The following DNAH6 variants were observed in gnomAD, a reference collection of about 807,000 sequenced individuals.
DNAH6 encodes axonemal beta dynein heavy chain 6.
Under a neutral mutation model 491.4 loss-of-function variants are expected in DNAH6, and 340 were observed. The ratio of observed to expected loss-of-function variants is 0.69; its 90% confidence interval spans 0.63 to 0.76. The LOEUF is 0.76. Among genes scored for constraint, DNAH6 ranks in the 30% least tolerant of loss-of-function variants. DNAH6 has a pLI of 0.00. For missense variants in DNAH6, 4,443 were observed against 4,972.2 expected (o/e 0.89, Z 3.20); for synonymous variants, 1,603 against 1,686.1 (o/e 0.95, Z 1.21).
the DNAH6 span, among the ~76,000 whole-genome samples, chr2:84,511,288 C>A: frequency 3.3e-5 from 5 of 152,208 alleles, no homozygotes; most frequent in African/African-American, 9.7e-5. Flanking sequence ...GCCCCTCCCC[C>A]AGCCTCACTG....
rs78868251 is a variant in DNAH6, at chr2:84,756,621, C to A, written c.10513-6134C>A. On this transcript the variant is annotated intron_variant, in intron 63 of 76. Transcript: ENST00000389394. ...CACTAGTGAAGGATGAGCAGGGAAT[C>A]CTTATTCCCAAATATTTAAACTTAT... Among the ~76,000 whole-genome samples, 1,014 of 152,248 alleles carry A rather than the reference C, an allele frequency of 6.7e-3. 8 individuals carry two copies. Among genetic ancestry groups the A allele is most frequent in the East Asian group, 0.027 (139 of 5,186 alleles).
At chr2:84,763,063 T>G in intron 64 of DNAH6, 118 bp downstream of exon 64, 2 of 729,866 alleles carry the variant, frequency 2.7e-6, no homozygotes, top group Middle Eastern at 2.5e-4. Flanking sequence ...TATCACTTAC[T>G]ACATAAATTT....
At chr2:84,669,204 C>CT in intron 37 of DNAH6, 85 bp from the exon 38 acceptor site, 2 of 1,099,494 alleles carry the variant, frequency 1.8e-6, no homozygotes, top group Non-Finnish European at 2.7e-6. Context: ...TTTTGACTGC[C>CT]TTTTTTTCTA....
At chr2:84,528,819 T>C (rs930327520) in intron 3 of DNAH6, 85 bp from the exon 4 acceptor site, 6 of 1,299,320 alleles carry the variant, frequency 4.6e-6, no homozygotes, top group Non-Finnish European at 6.2e-6. Context: ...ATATGGCAAT[T>C]AGTCCTTGAA....
chr2:84,709,511 A>C lies in DNAH6; in HGVS notation c.9217A>C (p.Arg3073=). The part of the protein sequence containing the change: ...TENGILVTQG[R]RWPLMIDPQD... The stretch of plus-strand genomic sequence containing the variant: ...AAATGGCATTTTGGTTACTCAAGGC[A>C]GAAGATGGCCTTTGATGATTGATCC... Residue 3073 remains arginine, a synonymous_variant, in exon 55 of 77, where the codon AGA becomes CGA. Transcript: ENST00000389394. 6.4e-7 allele frequency: 1 copy of C among 1,551,746 alleles called. No individual in the cohort carries two copies. Among genetic ancestry groups the C allele is most frequent in the Non-Finnish European group, 8.7e-7 (1 of 1,147,016 alleles).
intron 45 of DNAH6, among the ~76,000 whole-genome samples, chr2:84,694,031 C>G (rs879066774): frequency 6.6e-6 from 1 of 152,212 alleles, no homozygotes. Flanking sequence ...GGCCGAGACC[C>G]AACAGCCTGT....
chr2:84,733,682 C>A, intron 62 of DNAH6, 103 bp downstream of exon 62: 1 of 1,063,124 alleles, frequency 9.4e-7, no homozygotes, highest in Non-Finnish European at 1.3e-6. Flanking sequence ...GCATTTTTCA[C>A]TAGGAACTTC....
chr2:84,484,905 A>G, the DNAH6 span, among the ~76,000 whole-genome samples: 1 of 152,332 alleles, frequency 6.6e-6, no homozygotes, highest in South Asian at 2.1e-4. Context: ...ACCAGACTAA[A>G]TGATATCAAC....
intron 37 of DNAH6, among the ~76,000 whole-genome samples, chr2:84,660,467 A>G (rs1272458707): frequency 6.6e-6 from 1 of 152,196 alleles, no homozygotes; most frequent in Admixed American, 6.5e-5. Flanking sequence ...CAACTAACCT[A>G]TGCAGAAGGA....
chr2:84,699,885 T>C (rs1010907239), intron 48 of DNAH6, among the ~76,000 whole-genome samples, 151 bp downstream of exon 48: 3 of 152,188 alleles, frequency 2.0e-5, no homozygotes, highest in Non-Finnish European at 4.4e-5. Flanking sequence ...GTGACAATCA[T>C]AGAACAAAGA....
chr2:84,516,853 T>G (rs1675644158), intron 1 of DNAH6, among the ~76,000 whole-genome samples: 1 of 152,180 alleles, frequency 6.6e-6, no homozygotes, highest in South Asian at 2.1e-4. Flanking sequence ...GTGGCTAGTC[T>G]GAATTGCAAT....
At chr2:84,567,053 G>T (rs1323414119) in intron 11 of DNAH6, among the ~76,000 whole-genome samples, 1 of 151,896 alleles carries the variant, frequency 6.6e-6, no homozygotes, top group African/African-American at 2.4e-5. Context: ...CATAAAAAGG[G>T]TTATCTAACT....
chr2:84,591,455 A>C (rs1016783970), intron 16 of DNAH6, among the ~76,000 whole-genome samples: 2 of 152,164 alleles, frequency 1.3e-5, no homozygotes, highest in African/African-American at 4.8e-5. Flanking sequence ...AAAGAAATGA[A>C]ATAATACACA....
intron 11 of DNAH6, among the ~76,000 whole-genome samples, chr2:84,571,683 G>A (rs1384784722): frequency 3.3e-5 from 5 of 151,896 alleles, no homozygotes; most frequent in Non-Finnish European, 7.4e-5. Flanking sequence ...GGAGGCCTAG[G>A]TGGGCGGATC....
chr2:84,606,584 G>A (rs1573197354), intron 20 of DNAH6, among the ~76,000 whole-genome samples: 1 of 152,218 alleles, frequency 6.6e-6, no homozygotes, highest in African/African-American at 2.4e-5. Flanking sequence ...TAATTCATTG[G>A]ACAGAAGACA....
intron 68 of DNAH6, among the ~76,000 whole-genome samples, chr2:84,795,990 A>T (rs1334076322): frequency 1.3e-5 from 2 of 152,236 alleles, no homozygotes; most frequent in African/African-American, 4.8e-5. Flanking sequence ...ATCAATGATA[A>T]GACTCAAAAT....
chr2:84,666,528 A>G (rs1420658052), intron 37 of DNAH6, among the ~76,000 whole-genome samples: 1 of 152,174 alleles, frequency 6.6e-6, no homozygotes, highest in Non-Finnish European at 1.5e-5. Flanking sequence ...TAAAATACCT[A>G]GGAATCCAAC....
the DNAH6 span, among the ~76,000 whole-genome samples, chr2:84,464,185 A>G: frequency 6.6e-6 from 1 of 151,976 alleles, no homozygotes; most frequent in Non-Finnish European, 1.5e-5. Flanking sequence ...ATTTACTCCT[A>G]CTTTGAAGGC....
At chr2:84,560,823 T>C (rs927843328) in intron 11 of DNAH6, among the ~76,000 whole-genome samples, 4 of 152,162 alleles carry the variant, frequency 2.6e-5, no homozygotes, top group African/African-American at 9.7e-5. Context: ...TATTCCATGG[T>C]GTATATGTGC....
Sources: gnomAD v4.1 joint callset for allele counts (sites outside exome capture counted in the v4.1 genomes callset) on GRCh38, gnomAD v4.1.1 for gene constraint, MANE v1.5 for transcripts, NCBI Gene and HGNC (gene_info 2026-07-23, HGNC 2026-07-21) for gene names.